The following GABRG1 variants were observed in gnomAD, a reference collection of about 807,000 sequenced individuals.
GABRG1 encodes gamma-aminobutyric acid type A receptor subunit gamma1.
Under a neutral mutation model 49.8 loss-of-function variants are expected in GABRG1, and 49 were observed. The ratio of observed to expected loss-of-function variants is 0.98; its 90% confidence interval spans 0.78 to 1.25. GABRG1 has a LOEUF of 1.25. Among genes scored for constraint, GABRG1 ranks in the 50% most tolerant of loss-of-function variants. The pLI, the probability that GABRG1 is intolerant of heterozygous loss-of-function variation, is 0.00. For missense variants in GABRG1, 552 were observed against 552.3 expected (o/e 1.00, Z 0.01); for synonymous variants, 232 against 185.1 (o/e 1.25, Z -2.06).
chr4:46,102,822 G>C (rs529875717), intron 1 of GABRG1, among the ~76,000 whole-genome samples: 22 of 151,572 alleles, frequency 1.5e-4, no homozygotes, highest in Non-Finnish European at 1.5e-4. Context: ...TAATAACCAA[G>C]GGTTAATTTA....
intron 7 of GABRG1, among the ~76,000 whole-genome samples, chr4:46,052,376 A>C (rs571475736): frequency 6.6e-6 from 1 of 152,062 alleles, no homozygotes; most frequent in African/African-American, 2.4e-5. Context: ...GTTATATAAT[A>C]ACCTGAGTTA....
At chr4:46,067,182 A>G (rs1385903280) in intron 3 of GABRG1, among the ~76,000 whole-genome samples, 1 of 152,056 alleles carries the variant, frequency 6.6e-6, no homozygotes, top group Non-Finnish European at 1.5e-5. Context: ...GGGAAGTTGG[A>G]TCAAATCCTA....
intron 3 of GABRG1, among the ~76,000 whole-genome samples, chr4:46,070,142 A>C (rs576028190): frequency 2.6e-5 from 4 of 152,148 alleles, no homozygotes; most frequent in African/African-American, 9.6e-5. Context: ...AGCAACTATT[A>C]TCTAAAATTA....
intron 1 of GABRG1, among the ~76,000 whole-genome samples, chr4:46,113,508 G>A (rs574654055): frequency 2.5e-4 from 37 of 150,678 alleles, no homozygotes; most frequent in Middle Eastern, 3.4e-3. Context: ...GAGATTTGGC[G>A]GGGGGGACAT....
At chr4:46,112,385 GA>G (rs1356253166) in intron 1 of GABRG1, among the ~76,000 whole-genome samples, 2 of 151,440 alleles carry the variant, frequency 1.3e-5, no homozygotes, top group African/African-American at 4.8e-5. Context: ...CACTGTTGAT[GA>G]GAATGCAAAA....
intron 3 of GABRG1, among the ~76,000 whole-genome samples, chr4:46,069,099 CA>C (rs1048629326): frequency 4.6e-5 from 7 of 152,032 alleles, no homozygotes; most frequent in African/African-American, 1.7e-4. Flanking sequence ...TGCAATTAAG[CA>C]CTGTATCTCA....
At chr4:46,069,041 T>C (rs529769637) in intron 3 of GABRG1, among the ~76,000 whole-genome samples, 61 of 152,184 alleles carry the variant, frequency 4.0e-4, no homozygotes, top group African/African-American at 1.4e-3. Flanking sequence ...TAAAATCAAA[T>C]AATAATTGAT....
chr4:46,039,685 A>C lies in GABRG1; in HGVS notation c.*1303T>G, dbSNP rs1286449797. 6.6e-6 allele frequency: 1 copy of C among 151,758 alleles called. No individual in the cohort carries two copies. Among genetic ancestry groups the C allele is most frequent in the African/African-American group, 2.4e-5 (1 of 41,412 alleles). 9.4% of individuals were successfully genotyped at this position (151,758 alleles called of 1,614,324 possible). ...CTACTTACAGGATTATAATGATTGA[A>C]GCCTAAATTTATTCTTAACAAAAGA... On this transcript the variant is annotated 3_prime_UTR_variant, in exon 9 of 9. Transcript: ENST00000295452.
intron 1 of GABRG1, among the ~76,000 whole-genome samples, chr4:46,120,256 C>A (rs577211765): frequency 2.0e-5 from 3 of 151,838 alleles, no homozygotes; most frequent in African/African-American, 7.2e-5. Flanking sequence ...TAATCATTTT[C>A]TCAGTATCTC....
intron 5 of GABRG1, among the ~76,000 whole-genome samples, chr4:46,063,050 T>C (rs895432796): frequency 8.6e-5 from 13 of 150,950 alleles, no homozygotes; most frequent in African/African-American, 2.4e-4. Flanking sequence ...CATTCCATGC[T>C]CATGGGTAGG....
At position 46,054,021 on chromosome 4, in the gene GABRG1, TG is replaced by T. The variant is rs1314850308; in HGVS notation, c.917-2384del. Among the ~76,000 whole-genome samples the T allele has an allele frequency of 5.2e-5, 2 of 38,124 alleles. 1 individual carries two copies. Among genetic ancestry groups the T allele is most frequent in the Non-Finnish European group, 1.0e-4 (2 of 19,724 alleles). 25.0% of individuals were successfully genotyped at this position (38,124 alleles called of 152,430 possible). ...CTTTAATCCATCTTGAATTGATTTT[TG>T]TATAAGGTGTAAGGAAGGGATCCAG... On this transcript the variant is annotated intron_variant, in intron 7 of 8. Transcript: ENST00000295452.
chr4:46,041,299 T>A, intron 8 of GABRG1, 45 bp from the exon 9 acceptor site: 1 of 1,586,270 alleles, frequency 6.3e-7, no homozygotes, highest in Non-Finnish European at 8.6e-7. Flanking sequence ...AAAAGTAGCA[T>A]AAGGAAAGAT....
intron 1 of GABRG1, among the ~76,000 whole-genome samples, chr4:46,114,283 T>C (rs1720817177): frequency 6.6e-6 from 1 of 151,046 alleles, no homozygotes; most frequent in Non-Finnish European, 1.5e-5. Context: ...GGAGAATTGA[T>C]AATCCACTCA....
intron 1 of GABRG1, among the ~76,000 whole-genome samples, chr4:46,101,327 T>C (rs1404565480): frequency 1.3e-5 from 2 of 151,630 alleles, no homozygotes; most frequent in Non-Finnish European, 2.9e-5. Flanking sequence ...TATACCTTTA[T>C]TGAATAATCT....
chr4:46,076,637 G>A (rs1470439959), intron 3 of GABRG1, among the ~76,000 whole-genome samples: 1 of 151,442 alleles, frequency 6.6e-6, no homozygotes, highest in Non-Finnish European at 1.5e-5. Context: ...ATGAGCTGAA[G>A]CAAACTAGAC....
chr4:46,050,834 A>G (rs1438610484), intron 8 of GABRG1, among the ~76,000 whole-genome samples: 2 of 151,852 alleles, frequency 1.3e-5, no homozygotes, highest in Non-Finnish European at 2.9e-5. Flanking sequence ...CATGTGTTAG[A>G]TATTACTTTC....
Position 46,036,909 on chromosome 4 carries a change from C to T in GABRG1, c.*4079G>A, listed in dbSNP as rs918858147. On this transcript the variant is annotated 3_prime_UTR_variant, in exon 9 of 9. Transcript: ENST00000295452. ...TTCTCAGTTTATTGTTCTAACCTAA[C>T]CTTTCATTGTCTCTATATGAATCTT... 2 of 151,802 alleles carry T rather than the reference C, an allele frequency of 1.3e-5. No individual in the cohort carries two copies. Among genetic ancestry groups the T allele is most frequent in the African/African-American group, 2.4e-5 (1 of 41,388 alleles). The allele number at this position is 151,802 out of a possible 1,614,324, so 9.4% of individuals were successfully genotyped here. A position where few individuals can be genotyped will look rare whatever the true frequency, so the allele number is the denominator to read the frequency against.
rs1049801113 is a variant in GABRG1 at position 46,092,311 on chromosome 4, T to C, written c.253+4890A>G. Among the ~76,000 whole-genome samples the C allele has an allele frequency of 3.3e-5, 5 of 152,004 alleles. 1 individual carries two copies. The South Asian group carries it at 6.2e-4, about 19-fold the overall frequency. ...TCAGATAAATATAGAATAAAACATA[T>C]GGACATAATAGCAAAATGACACTGT... is the stretch of plus-strand genomic sequence containing the variant. On this transcript the variant is annotated intron_variant, in intron 2 of 8. Transcript: ENST00000295452.
In GABRG1 at chr4:46,084,001, A is replaced by T. The variant is rs2109422963; in HGVS notation, c.306T>A (p.Val102=). The T allele has an allele frequency of 6.4e-7, 1 of 1,569,338 alleles. No homozygotes were observed. The highest frequency in any genetic ancestry group is 2.3e-5 in the East Asian group (1 of 43,672). The change falls in exon 3 of 9, where the codon GTT becomes GTA. Residue 102 remains valine, a synonymous_variant. Coordinates refer to ENST00000295452, the MANE Select transcript of GABRG1 (RefSeq NM_173536.4). ...TDVYVNSIGP[V]DPINMEYTID... is the part of the protein sequence containing the mutation. The stretch of plus-strand genomic sequence containing the variant: ...TCTTACTTACCATATTAATTGGATC[A>T]ACTGGTCCAATGCTGTTTACATAAA...
Sources: allele counts gnomAD v4.1 joint callset (sites outside exome capture counted in the v4.1 genomes callset), GRCh38; gene constraint gnomAD v4.1.1; transcripts MANE v1.5; gene names NCBI Gene and HGNC (gene_info 2026-07-23, HGNC 2026-07-21).